Variants in IGSF10 observed in about 807,000 individuals in gnomAD.
IGSF10 encodes calvaria mechanical force protein 608.
IGSF10 carries 126 observed loss-of-function variants against 128.2 expected under a neutral mutation model. The observed-to-expected ratio is 0.98, with a 90% CI of 0.85 to 1.14. IGSF10 has a LOEUF of 1.14. Ranked by LOEUF, IGSF10 falls within the 50% of genes most tolerant of loss-of-function variation. IGSF10 has a pLI of 0.00. For synonymous variants in IGSF10, 1,185 were observed against 1,146.2 expected (o/e 1.03, Z -0.68); for missense variants, 3,295 against 3,149.8 (o/e 1.05, Z -1.10).
intron 5 of IGSF10, among the ~76,000 whole-genome samples, chr3:151,452,326 A>G (rs1721547674): frequency 6.6e-6 from 1 of 152,224 alleles, no homozygotes; most frequent in Non-Finnish European, 1.5e-5. Context: ...CTACACACCT[A>G]GGCTATATGG....
the IGSF10 span, among the ~76,000 whole-genome samples, chr3:151,613,536 C>T: frequency 6.6e-6 from 1 of 152,196 alleles, no homozygotes; most frequent in Non-Finnish European, 1.5e-5. Flanking sequence ...CTACAACTAT[C>T]TGATCTTTGA....
the IGSF10 span, among the ~76,000 whole-genome samples, chr3:151,610,232 C>G: frequency 6.6e-6 from 1 of 152,090 alleles, no homozygotes; most frequent in Admixed American, 6.6e-5. Context: ...TATCTGATAT[C>G]TAACTTCCTA....
At chr3:151,584,689 C>G in the IGSF10 span, among the ~76,000 whole-genome samples, 1 of 152,146 alleles carries the variant, frequency 6.6e-6, no homozygotes, top group Non-Finnish European at 1.5e-5. Context: ...AGCTTTACCC[C>G]CTGGGGATCT....
chr3:151,583,672 A>C, the IGSF10 span, among the ~76,000 whole-genome samples: 1 of 152,232 alleles, frequency 6.6e-6, no homozygotes, highest in African/African-American at 2.4e-5. Flanking sequence ...ACACGTATAC[A>C]TATGTAACAA....
intron 4 of IGSF10, among the ~76,000 whole-genome samples, chr3:151,456,807 T>C (rs1721818747): frequency 6.6e-6 from 1 of 152,242 alleles, no homozygotes; most frequent in African/African-American, 2.4e-5. Context: ...TTTTTTCTAT[T>C]AGCTTGAGGT....
chr3:151,593,830 C>A, the IGSF10 span, among the ~76,000 whole-genome samples: 4 of 151,938 alleles, frequency 2.6e-5, no homozygotes, highest in African/African-American at 7.3e-5. Flanking sequence ...ACTAAGAAAA[C>A]CTTTTTTTAA....
rs1333895127 is a variant in IGSF10 at position 151,446,240 on chromosome 3, G to A, written c.3741C>T (p.Val1247=). The change falls in exon 6 of 8, where the codon GTC becomes GTT. Residue 1247 remains valine (V), a synonymous_variant. Coordinates refer to ENST00000282466, the MANE Select transcript of IGSF10 (RefSeq NM_178822.5). ...AAAGTGTGGTGAAATGGAAAGGGGA[G>A]ACTTTGTCTCTGGGTAAAGCAGGAG... ...KTSPALPRDK[V]SPFHFTTLST... 10 of 1,613,812 alleles carry A rather than the reference G, an allele frequency of 6.2e-6. No homozygotes were observed. Among genetic ancestry groups the A allele is most frequent in the South Asian group, 1.1e-5 (1 of 91,062 alleles).
the IGSF10 span, among the ~76,000 whole-genome samples, chr3:151,547,429 T>TATATACAC: frequency 2.7e-5 from 4 of 146,872 alleles, no homozygotes; most frequent in Admixed American, 1.4e-4. Flanking sequence ...AATATATATA[T>TATATACAC]ACACACACAC....
chr3:151,564,261 T>C, the IGSF10 span, among the ~76,000 whole-genome samples: 1 of 152,294 alleles, frequency 6.6e-6, no homozygotes, highest in Non-Finnish European at 1.5e-5. Flanking sequence ...CAAGCTGATA[T>C]TATCGGGTTT....
rs781195266 is a variant in IGSF10 at position 151,437,954 on chromosome 3, C to G, written c.6607G>C (p.Val2203Leu). ...TACTCTCCAGAATCGAGCAGTTTCA[C>G]TTTGTTGATGGTCAAAGACCCATTG... is the stretch of plus-strand genomic sequence containing the variant. ...HANGSLTINK[V>L]KLLDSGEYVC... Residue 2203 changes from valine (V) to leucine (L), a missense_variant, in exon 8 of 8, where the codon GTG becomes CTG. By Grantham distance (32) the Val-to-Leu change is conservative (BLOSUM62 1). Transcript: ENST00000282466. 6.2e-6 allele frequency: 10 copies of G among 1,614,086 alleles called. No homozygotes were observed. The Admixed American group carries it at 1.5e-4, about 24-fold the overall frequency.
chr3:151,440,371 G>A (rs1163705503), intron 7 of IGSF10, among the ~76,000 whole-genome samples: 1 of 152,102 alleles, frequency 6.6e-6, no homozygotes, highest in Non-Finnish European at 1.5e-5. Context: ...AGTATGGAAA[G>A]TATTATAGTA....
chr3:151,524,909 T>C, the IGSF10 span, among the ~76,000 whole-genome samples: 1 of 152,018 alleles, frequency 6.6e-6, no homozygotes, highest in Admixed American at 6.6e-5. Context: ...CATCATTCCT[T>C]CTTTCCTTTT....
the IGSF10 span, among the ~76,000 whole-genome samples, chr3:151,556,517 AG>A: frequency 1.3e-5 from 2 of 152,206 alleles, no homozygotes; most frequent in Non-Finnish European, 2.9e-5. Context: ...ACAAGATGTA[AG>A]AAGCTTTAGT....
intron 4 of IGSF10, among the ~76,000 whole-genome samples, chr3:151,455,361 C>CT (rs997195685): frequency 3.3e-5 from 5 of 151,786 alleles, no homozygotes; most frequent in African/African-American, 7.2e-5. Flanking sequence ...ATCTGCCCCC[C>CT]CTTGGCCTCC....
At chr3:151,515,850 C>T in the IGSF10 span, among the ~76,000 whole-genome samples, 8 of 151,678 alleles carry the variant, frequency 5.3e-5, no homozygotes, top group Admixed American at 2.6e-4. Flanking sequence ...ACTTCAGGTA[C>T]ATCCCACTAT....
At chr3:151,603,325 G>A in the IGSF10 span, among the ~76,000 whole-genome samples, 1 of 152,162 alleles carries the variant, frequency 6.6e-6, no homozygotes, top group Non-Finnish European at 1.5e-5. Context: ...AATAATAACC[G>A]AACCTATTCA....
chr3:151,466,075 T>C, the IGSF10 span, among the ~76,000 whole-genome samples: 1 of 152,214 alleles, frequency 6.6e-6, no homozygotes, highest in Non-Finnish European at 1.5e-5. Context: ...CCCTGTAGTC[T>C]CTCTGAATCT....
the IGSF10 span, among the ~76,000 whole-genome samples, chr3:151,521,937 A>T: frequency 1.3e-5 from 2 of 151,706 alleles, no homozygotes; most frequent in African/African-American, 4.8e-5. Flanking sequence ...TTTGAAAAAA[A>T]TAAGACAGGC....
At chr3:151,611,774 T>G in the IGSF10 span, among the ~76,000 whole-genome samples, 1 of 152,322 alleles carries the variant, frequency 6.6e-6, no homozygotes, top group African/African-American at 2.4e-5. Flanking sequence ...ATATTTATTT[T>G]GCTGCTTGTA....
Sources: allele counts gnomAD v4.1 joint callset (sites outside exome capture counted in the v4.1 genomes callset), GRCh38; gene constraint gnomAD v4.1.1; transcripts MANE v1.5; gene names NCBI Gene and HGNC (gene_info 2026-07-23, HGNC 2026-07-21).